Variants in MEOX2 observed in about 807,000 individuals in gnomAD.
MEOX2 encodes the protein mesenchyme homeobox 2.
In MEOX2, 11 loss-of-function variants were observed where a neutral mutation model predicts 27.0. That is an observed-to-expected ratio of 0.41 (90% CI 0.26 to 0.68). MEOX2 has a LOEUF of 0.68. Among genes scored for constraint, MEOX2 ranks in the 30% least tolerant of loss-of-function variants. The probability of loss-of-function intolerance (pLI) is 0.33; values close to 1 mark genes in which losing one functional copy is unlikely to be tolerated. For missense variants in MEOX2, 436 were observed against 385.4 expected, an observed-to-expected ratio of 1.13 and a Z score of -1.10; for synonymous variants, 189 against 155.4, an observed-to-expected ratio of 1.22 and a Z score of -1.61.
At chr7:15,622,678 T>C (rs567941672) in intron 2 of MEOX2, among the ~76,000 whole-genome samples, 3 of 152,130 alleles carry the variant, frequency 2.0e-5, no homozygotes, top group African/African-American at 7.2e-5. Context: ...GGTCAAGATA[T>C]AGATTACATG....
intron 1 of MEOX2, among the ~76,000 whole-genome samples, chr7:15,684,735 G>A (rs1782349864): frequency 6.6e-6 from 1 of 152,126 alleles, no homozygotes; most frequent in Admixed American, 6.5e-5. Flanking sequence ...CACAGAGGAA[G>A]AAAAATATGC....
intron 1 of MEOX2, among the ~76,000 whole-genome samples, chr7:15,640,185 C>A (rs147486528): frequency 1.3e-5 from 2 of 151,530 alleles, no homozygotes; most frequent in Non-Finnish European, 2.9e-5. Context: ...TTGTAGAATT[C>A]TTTCACCTCC....
chr7:15,626,694 G>A, intron 2 of MEOX2, 52 bp downstream of exon 2: 3 of 1,352,284 alleles, frequency 2.2e-6, no homozygotes, highest in Non-Finnish European at 3.1e-6. Flanking sequence ...AAAGAAGACT[G>A]TGGACCCAGG....
At position 15,637,257 on chromosome 7, in the gene MEOX2, T is replaced by C. The variant is rs867394871; in HGVS notation, c.518-10339A>G. On this transcript the variant is annotated intron_variant, in intron 1 of 2. Transcript: ENST00000262041. ...TTTCTGTGAATGTGAAGCTTTCATC[T>C]AGGTCTTACAGATAATCCTTGGGTT... is the stretch of plus-strand genomic sequence containing the variant. 2.0e-4 allele frequency among the ~76,000 whole-genome samples: 30 copies of C among 152,192 alleles called. 1 individual carries two copies. The Middle Eastern group carries it at 0.01, about 52-fold the overall frequency.
intron 1 of MEOX2, among the ~76,000 whole-genome samples, chr7:15,650,918 A>G (rs1781723474): frequency 6.6e-6 from 1 of 152,018 alleles, no homozygotes; most frequent in African/African-American, 2.4e-5. Flanking sequence ...GGACTTGGAA[A>G]CAGAGAGGAG....
intron 1 of MEOX2, among the ~76,000 whole-genome samples, chr7:15,634,949 T>A (rs1781458792): frequency 6.6e-6 from 1 of 151,932 alleles, no homozygotes; most frequent in Non-Finnish European, 1.5e-5. Context: ...CCCTTAGAGG[T>A]GTGAGAGTTT....
chr7:15,662,597 T>A (rs371736701), intron 1 of MEOX2, among the ~76,000 whole-genome samples: 1 of 152,156 alleles, frequency 6.6e-6, no homozygotes, highest in Non-Finnish European at 1.5e-5. Flanking sequence ...GGTTGAGTAA[T>A]GCATTCATCC....
chr7:15,658,710 C>T (rs1318806566), intron 1 of MEOX2, among the ~76,000 whole-genome samples: 2 of 151,956 alleles, frequency 1.3e-5, no homozygotes, highest in Non-Finnish European at 2.9e-5. Flanking sequence ...GGATTTGCAC[C>T]CTTATAAGAA....
chr7:15,685,821 C>A, intron 1 of MEOX2, 65 bp downstream of exon 1: 2 of 1,526,208 alleles, frequency 1.3e-6, no homozygotes, highest in Non-Finnish European at 1.8e-6. Context: ...AGAATCTCCC[C>A]TAGTATCTCT....
At chr7:15,638,384 A>C (rs868126143) in intron 1 of MEOX2, among the ~76,000 whole-genome samples, 3 of 152,168 alleles carry the variant, frequency 2.0e-5, no homozygotes, top group Non-Finnish European at 2.9e-5. Flanking sequence ...ATGGGCATAT[A>C]TATTTACAGT....
intron 2 of MEOX2, among the ~76,000 whole-genome samples, chr7:15,618,000 T>A (rs1781149891): frequency 6.6e-6 from 1 of 152,078 alleles, no homozygotes; most frequent in Non-Finnish European, 1.5e-5. Flanking sequence ...CCACGACAGA[T>A]TTGAATCTCA....
intron 1 of MEOX2, among the ~76,000 whole-genome samples, chr7:15,682,198 T>G (rs1418522221): frequency 2.0e-5 from 3 of 151,842 alleles, no homozygotes; most frequent in Non-Finnish European, 3.0e-5. Context: ...TCCAGTATAT[T>G]ATTTTTTAAA....
chr7:15,622,688 G>A (rs903340477), intron 2 of MEOX2, among the ~76,000 whole-genome samples: 1 of 152,220 alleles, frequency 6.6e-6, no homozygotes, highest in East Asian at 1.9e-4. Flanking sequence ...TAGATTACAT[G>A]GCTAAACATA....
chr7:15,616,980 TCC>T (rs1781133551), intron 2 of MEOX2, among the ~76,000 whole-genome samples: 1 of 152,010 alleles, frequency 6.6e-6, no homozygotes, highest in Non-Finnish European at 1.5e-5. Context: ...TTCACACCTG[TCC>T]TTTTAGGTTT....
intron 1 of MEOX2, among the ~76,000 whole-genome samples, chr7:15,677,007 C>A (rs1345139666): frequency 6.6e-6 from 1 of 152,092 alleles, no homozygotes; most frequent in East Asian, 1.9e-4. Context: ...GAATGGAAAT[C>A]TTAAGGGTGG....
intron 1 of MEOX2, among the ~76,000 whole-genome samples, chr7:15,666,091 T>C (rs1782000466): frequency 6.6e-6 from 1 of 152,050 alleles, no homozygotes; most frequent in Non-Finnish European, 1.5e-5. Flanking sequence ...AAGATAAAGA[T>C]GGAAATAAAG....
At chr7:15,669,342 GT>G (rs1782061200) in intron 1 of MEOX2, among the ~76,000 whole-genome samples, 1 of 152,164 alleles carries the variant, frequency 6.6e-6, no homozygotes, top group Non-Finnish European at 1.5e-5. Context: ...ATGTATATTT[GT>G]TTTTTGTGTT....
intron 1 of MEOX2, among the ~76,000 whole-genome samples, chr7:15,659,484 G>A (rs371693777): frequency 6.6e-6 from 1 of 151,982 alleles, no homozygotes; most frequent in Non-Finnish European, 1.5e-5. Flanking sequence ...AAGAGGGCCC[G>A]GCGCGGTGGC....
intron 1 of MEOX2, among the ~76,000 whole-genome samples, chr7:15,646,727 T>C (rs1020918877): frequency 1.3e-5 from 2 of 151,938 alleles, no homozygotes; most frequent in Non-Finnish European, 2.9e-5. Context: ...GCACCAATAT[T>C]TGTCACTTAA....
Sources: allele counts gnomAD v4.1 joint callset (sites outside exome capture counted in the v4.1 genomes callset), GRCh38; gene constraint gnomAD v4.1.1; transcripts MANE v1.5; gene names NCBI Gene and HGNC (gene_info 2026-07-23, HGNC 2026-07-21).